Variants in ZSWIM2 observed in about 807,000 individuals in gnomAD.
The protein encoded by ZSWIM2 is zinc finger SWIM-type containing 2, also known as E3 ubiquitin-protein ligase ZSWIM2.
In ZSWIM2, 38 loss-of-function variants were observed where a neutral mutation model predicts 48.4. The observed-to-expected ratio is 0.79, with a 90% CI of 0.61 to 1.03. The LOEUF is 1.03. Among genes scored for constraint, ZSWIM2 ranks in the 50% least tolerant of loss-of-function variants. The probability of loss-of-function intolerance (pLI) is 0.00; values close to 1 mark genes in which losing one functional copy is unlikely to be tolerated. For missense variants in ZSWIM2, 776 were observed against 730.2 expected (o/e 1.06, Z -0.72); for synonymous variants, 240 against 251.3 (o/e 0.96, Z 0.42).
intron 3 of ZSWIM2, among the ~76,000 whole-genome samples, chr2:186,842,485 A>C (rs566777922): frequency 6.6e-6 from 1 of 151,556 alleles, no homozygotes; most frequent in East Asian, 1.9e-4. Context: ...TCCCTACTGT[A>C]GACTGAATGG....
intron 1 of ZSWIM2, 96 bp downstream of exon 1, chr2:186,848,870 A>G (rs999656497): frequency 2.0e-6 from 3 of 1,508,012 alleles, no homozygotes; most frequent in African/African-American, 2.7e-5. Flanking sequence ...GTATCCGCAG[A>G]GATTGTGATG....
chr2:186,829,797 TAGCCTGGAGCA>T lies in ZSWIM2; in HGVS notation c.1014_1024del (p.Ala339ProfsTer30). On this transcript the variant is annotated frameshift_variant, in exon 8 of 9. Transcript: ENST00000295131. LOFTEE classifies it high-confidence loss of function. ...TGCCTTCAAACAAAGTAGACACTGG[TAGCCTGGAGCA>T]AGCAGCTTACTATTCTTAGTAATCA... 2 of 1,613,724 alleles carry T rather than the reference TAGCCTGGAGCA, an allele frequency of 1.2e-6. No homozygotes were observed. Among genetic ancestry groups the T allele is most frequent in the Middle Eastern group, 1.7e-4 (1 of 6,054 alleles).
At chr2:186,830,845 T>G (rs1691686461) in intron 7 of ZSWIM2, among the ~76,000 whole-genome samples, 2 of 152,106 alleles carry the variant, frequency 1.3e-5, no homozygotes, top group African/African-American at 2.4e-5. Context: ...AAAAAAAGCT[T>G]GGTTAAAAGG....
intron 3 of ZSWIM2, among the ~76,000 whole-genome samples, chr2:186,841,968 T>C (rs1559115414): frequency 6.6e-6 from 1 of 151,250 alleles, no homozygotes; most frequent in Non-Finnish European, 1.5e-5. Context: ...AAATCTAGCT[T>C]TTTTTGGGAA....
Position 186,833,154 on chromosome 2 carries a change from CA to C in ZSWIM2, c.906del (p.Ile302MetfsTer22). On this transcript the variant is annotated frameshift_variant, in exon 7 of 9. Transcript: ENST00000295131. LOFTEE classifies it high-confidence loss of function. Reference protein sequence around the residue: ...VVKYIDTKNEIEEKMSHFQEK... With the variant: ...VVKYIDTKNEXEEKMSHFQEK... ...TCTTGAAAATGTGACATCTTTTCTT[CA>C]ATCTCATTTTTAGTATCTATGTATT... 2 of 1,510,518 alleles carry C rather than the reference CA, an allele frequency of 1.3e-6. No individual in the cohort carries two copies. The highest frequency in any genetic ancestry group is 1.8e-6 in the Non-Finnish European group (2 of 1,128,676). 93.6% of individuals were successfully genotyped at this position (1,510,518 alleles called of 1,614,324 possible).
chr2:186,844,898 A>G (rs1437498979), intron 2 of ZSWIM2, 141 bp from the exon 3 acceptor site: 19 of 697,578 alleles, frequency 2.7e-5, no homozygotes, highest in Non-Finnish European at 3.9e-5. Flanking sequence ...AAAATCATCA[A>G]TTTTCTGTTA....
At chr2:186,830,841 A>T (rs1691686242) in intron 7 of ZSWIM2, among the ~76,000 whole-genome samples, 1 of 152,166 alleles carries the variant, frequency 6.6e-6, no homozygotes, top group African/African-American at 2.4e-5. Context: ...GAGAAAAAAA[A>T]GCTTGGTTAA....
At chr2:186,837,617 T>TATAC in intron 4 of ZSWIM2, 63 bp from the exon 5 acceptor site, 1 of 428,004 alleles carries the variant, frequency 2.3e-6, no homozygotes. Flanking sequence ...CCATTGTATA[T>TATAC]ATATATATAT....
At chr2:186,829,436 T>C (rs924978070) in intron 8 of ZSWIM2, among the ~76,000 whole-genome samples, 4 of 152,158 alleles carry the variant, frequency 2.6e-5, no homozygotes, top group Non-Finnish European at 5.9e-5. Context: ...TCTATAACCT[T>C]TTTTCTTTTT....
In ZSWIM2 at chr2:186,849,031, G is replaced by A; in HGVS notation, c.100C>T (p.Leu34=). ...AAGCCAGTGGGGCCCATCTCTCGTAGGAGGTAGATGCTGCTACTCAGCGCC... is the reference window on the plus strand; with the variant it reads ...AAGCCAGTGGGGCCCATCTCTCGTAAGAGGTAGATGCTGCTACTCAGCGCC... ...DQALSSSIYL[L]REMGPTGFLL... The change falls in exon 1 of 9, where the codon CTA becomes TTA. Residue 34 remains leucine, a synonymous_variant. Transcript: ENST00000295131. The A allele has an allele frequency of 6.2e-7, 1 of 1,614,222 alleles. No individual in the cohort carries two copies. Among genetic ancestry groups the A allele is most frequent in the South Asian group, 1.1e-5 (1 of 91,082 alleles).
chr2:186,833,350 ATAT>A lies in ZSWIM2; in HGVS notation c.829-121_829-119del, dbSNP rs375756808. On this transcript the variant is annotated intron_variant, in intron 6 of 8. Coordinates refer to ENST00000295131, the MANE Select transcript of ZSWIM2 (RefSeq NM_182521.3). Reference sequence around the variant, plus strand: ...ACAATACACAATATTTTAAGCATATATATTATTTTTCAACATGTTAAAGTACTT... The same window carrying A: ...ACAATACACAATATTTTAAGCATATATATTTTTCAACATGTTAAAGTACTT... The A allele has an allele frequency of 1.9e-3, 941 of 498,950 alleles. 4 individuals carry two copies. The highest frequency in any genetic ancestry group is 0.017 in the African/African-American group (845 of 48,844). 30.9% of individuals were successfully genotyped at this position (498,950 alleles called of 1,614,324 possible).
At chr2:186,844,473 G>A (rs1691959659) in intron 3 of ZSWIM2, among the ~76,000 whole-genome samples, 1 of 151,300 alleles carries the variant, frequency 6.6e-6, no homozygotes, top group African/African-American at 2.4e-5. Flanking sequence ...ACTGGCCATT[G>A]TTTCATACCT....
chr2:186,838,885 C>A, intron 4 of ZSWIM2, 74 bp downstream of exon 4: 1 of 1,383,134 alleles, frequency 7.2e-7, no homozygotes, highest in Non-Finnish European at 9.8e-7. Flanking sequence ...TATCATGTCT[C>A]CTAAGGTAAT....
At chr2:186,832,065 T>C (rs1574137379) in intron 7 of ZSWIM2, among the ~76,000 whole-genome samples, 1 of 152,172 alleles carries the variant, frequency 6.6e-6, no homozygotes, top group Non-Finnish European at 1.5e-5. Context: ...TTTCATAATG[T>C]ACACAATCTT....
In ZSWIM2 at chr2:186,828,060, G is replaced by T. The variant is rs757582522; in HGVS notation, c.1826C>A (p.Ser609Ter). ...GEITRKCSHL[S>*]RQPVSHSVNT... is the part of the protein sequence containing the mutation. Reference sequence around the variant, plus strand: ...TACAGAGTGAGACACAGGCTGTCTTGATAGATGACTACATTTTCGTGTAAT... The same window carrying T: ...TACAGAGTGAGACACAGGCTGTCTTTATAGATGACTACATTTTCGTGTAAT... The change falls in exon 9 of 9, where the codon TCA becomes TAA. Residue 609 changes from serine (S) to a stop codon, truncating the protein, a stop_gained. Transcript: ENST00000295131. LOFTEE classifies it high-confidence loss of function. 5.6e-6 allele frequency: 9 copies of T among 1,613,080 alleles called. No individual in the cohort carries two copies. The highest frequency in any genetic ancestry group is 1.3e-5 in the African/African-American group (1 of 74,850).
intron 3 of ZSWIM2, among the ~76,000 whole-genome samples, chr2:186,843,798 A>G (rs960603783): frequency 9.9e-5 from 15 of 151,604 alleles, no homozygotes; most frequent in African/African-American, 3.6e-4. Flanking sequence ...AGTTGGAGAC[A>G]TGGAAAATGG....
chr2:186,844,808 C>A, intron 2 of ZSWIM2, 51 bp from the exon 3 acceptor site: 2 of 1,414,606 alleles, frequency 1.4e-6, no homozygotes, highest in Non-Finnish European at 1.9e-6. Flanking sequence ...TTGGCATAAA[C>A]TCAAAAGACA....
intron 3 of ZSWIM2, among the ~76,000 whole-genome samples, chr2:186,842,310 C>T (rs1691917443): frequency 6.6e-6 from 1 of 151,154 alleles, no homozygotes; most frequent in African/African-American, 2.4e-5. Context: ...ATCGCTAAGA[C>T]TTTCTTTGAA....
At chr2:186,830,013 A>T in intron 7 of ZSWIM2, 133 bp from the exon 8 acceptor site, 1 of 810,792 alleles carries the variant, frequency 1.2e-6, no homozygotes, top group Non-Finnish European at 1.9e-6. Flanking sequence ...AAAGATAATA[A>T]ATCTCATATA....
Sources: gnomAD v4.1 joint callset for allele counts (sites outside exome capture counted in the v4.1 genomes callset) on GRCh38, gnomAD v4.1.1 for gene constraint, MANE v1.5 for transcripts, NCBI Gene and HGNC (gene_info 2026-07-23, HGNC 2026-07-21) for gene names.